DNAJB9: variants seen among roughly 807,000 people sequenced by gnomAD.
DNAJB9 encodes DnaJ heat shock protein family (Hsp40) member B9, also known as dnaJ homolog subfamily B member 9.
In DNAJB9, 12 loss-of-function variants were observed where a neutral mutation model predicts 19.2. That is an observed-to-expected ratio of 0.62 (90% CI 0.40 to 1.01). DNAJB9 has a LOEUF of 1.01. Among genes scored for constraint, DNAJB9 ranks in the 50% least tolerant of loss-of-function variants. The pLI is 0.00. For synonymous variants in DNAJB9, 83 were observed against 84.0 expected, an observed-to-expected ratio of 0.99 and a Z score of 0.07; for missense variants, 272 against 261.1, an observed-to-expected ratio of 1.04 and a Z score of -0.29.
Position 108,573,475 on chromosome 7 carries a change from C to A in DNAJB9, c.*122C>A. 3 of 621,410 alleles carry A rather than the reference C, an allele frequency of 4.8e-6. No homozygotes were observed. Among genetic ancestry groups the A allele is most frequent in the Non-Finnish European group, 7.2e-6 (3 of 415,812 alleles). 38.5% of individuals were successfully genotyped at this position (621,410 alleles called of 1,614,324 possible). On this transcript the variant is annotated 3_prime_UTR_variant, in exon 3 of 3. Transcript: ENST00000249356. ...TTTCACTTTAAACAATTTGATATAG[C>A]TATTAAATATATTTAAGGGTTTTTT...
chr7:108,573,305 A>G lies in DNAJB9; in HGVS notation c.624A>G (p.Gln208=), dbSNP rs765552435. The G allele has an allele frequency of 2.1e-5, 34 of 1,609,426 alleles. No homozygotes were observed. The highest frequency in any genetic ancestry group is 2.9e-5 in the Non-Finnish European group (34 of 1,178,032). The stretch of plus-strand genomic sequence containing the variant: ...GCAAGCACTGCAGGACTGTCACTCA[A>G]CGAAGAGGAAATATGGTTACTACAT... ...GSSKHCRTVT[Q]RRGNMVTTYT... Residue 208 remains glutamine (Q), a synonymous_variant, in exon 3 of 3, where the codon CAA becomes CAG. Transcript: ENST00000249356.
chr7:108,573,066 C>T lies in DNAJB9; in HGVS notation c.385C>T (p.Gln129Ter). ...FKDFGFFGQN[Q>*]NTGSKKRFEN... ...AGACTTTGGCTTTTTTGGTCAAAAC[C>T]AAAACACTGGATCCAAGAAGCGTTT... Residue 129 changes from glutamine to a stop codon, truncating the protein, a stop_gained, in exon 3 of 3, where the codon CAA becomes TAA. Coordinates refer to ENST00000249356, the MANE Select transcript of DNAJB9 (RefSeq NM_012328.3). LOFTEE classifies it high-confidence loss of function. 1 of 1,613,930 alleles carries T rather than the reference C, an allele frequency of 6.2e-7. No homozygotes were observed. The highest frequency in any genetic ancestry group is 8.5e-7 in the Non-Finnish European group (1 of 1,179,928).
At position 108,571,745 on chromosome 7, in the gene DNAJB9, A is replaced by G. The variant is rs140430481; in HGVS notation, c.19A>G (p.Ile7Val). 15 of 1,613,826 alleles carry G rather than the reference A, an allele frequency of 9.3e-6. No individual in the cohort carries two copies. The African/African-American group carries it at 1.5e-4, about 16-fold the overall frequency. ...ATTAGAAATGGCTACTCCCCAGTCA[A>G]TTTTCATCTTTGCAATCTGCATTTT... MATPQS[I>V]FIFAICILMI... is the part of the protein sequence containing the mutation. The change falls in exon 2 of 3, where the codon ATT (isoleucine) becomes GTT (valine). Residue 7 changes from isoleucine (I) to valine (V), a missense_variant. Coordinates refer to ENST00000249356, the MANE Select transcript of DNAJB9 (RefSeq NM_012328.3).
At position 108,571,075 on chromosome 7, in the gene DNAJB9, A is replaced by G. The variant is rs570227250; in HGVS notation, c.-10-642A>G. On this transcript the variant is annotated intron_variant, in intron 1 of 2. Coordinates refer to ENST00000249356, the MANE Select transcript of DNAJB9 (RefSeq NM_012328.3). Reference sequence around the variant, plus strand: ...TTAAATTCTGTTCATCATGAGTTTTAAACAATATTTAGCCATGCTTCCTGG... The same window carrying G: ...TTAAATTCTGTTCATCATGAGTTTTGAACAATATTTAGCCATGCTTCCTGG... 7.2e-5 allele frequency among the ~76,000 whole-genome samples: 11 copies of G among 152,332 alleles called. No individual in the cohort carries two copies. In the South Asian group the frequency reaches 2.3e-3, roughly 32 times the overall value.
chr7:108,572,156 A>T (rs1564014436), intron 2 of DNAJB9: 1 of 435,510 alleles, frequency 2.3e-6, no homozygotes, highest in Non-Finnish European at 4.1e-6. Flanking sequence ...TTTTATTGGT[A>T]TACGTATCTA....
rs546198697 is a variant in DNAJB9, at chr7:108,573,772, A to T, written c.*419A>T. ...AGTTGCATGTTCTATGACATCTGTGACTTGCGTTGCAGAGTGTACATGAAA... is the reference window on the plus strand; with the variant it reads ...AGTTGCATGTTCTATGACATCTGTGTCTTGCGTTGCAGAGTGTACATGAAA... On this transcript the variant is annotated 3_prime_UTR_variant, in exon 3 of 3. Transcript: ENST00000249356. 2 of 156,134 alleles carry T rather than the reference A, an allele frequency of 1.3e-5. No individual in the cohort carries two copies. Among genetic ancestry groups the T allele is most frequent in the East Asian group, 3.8e-4 (2 of 5,242 alleles). The allele number at this position is 156,134 out of a possible 1,614,324, so 9.7% of individuals were successfully genotyped here.
chr7:108,571,245 A>G (rs1288311683), intron 1 of DNAJB9, among the ~76,000 whole-genome samples: 1 of 151,632 alleles, frequency 6.6e-6, no homozygotes, highest in Non-Finnish European at 1.5e-5. Context: ...GAGATTAATA[A>G]TACTAATTTA....
chr7:108,572,009 G>A, intron 2 of DNAJB9, 66 bp downstream of exon 2: 1 of 1,517,166 alleles, frequency 6.6e-7, no homozygotes, highest in Non-Finnish European at 9.1e-7. Context: ...TAGCTAAGAA[G>A]TGTTTGTATT....
In DNAJB9 at chr7:108,572,935, A is replaced by G; in HGVS notation, c.254A>G (p.Glu85Gly). 6.2e-7 allele frequency: 1 copy of G among 1,612,694 alleles called. No individual in the cohort carries two copies. Among genetic ancestry groups the G allele is most frequent in the South Asian group, 1.1e-5 (1 of 90,872 alleles). The change falls in exon 3 of 3, where the codon GAG becomes GGG. Residue 85 changes from glutamate (E) to glycine (G), a missense_variant. Physicochemically the swap from Glu to Gly is moderately conservative, Grantham distance 98 (BLOSUM62 -2). Transcript: ENST00000249356. ...CTCTCAGATGCTAATAGACGAAAAG[A>G]GTATGATACACTTGGACACAGTGCT... ...ETLSDANRRKEYDTLGHSAFT... is the reference protein window; with the variant it reads ...ETLSDANRRKGYDTLGHSAFT...
In DNAJB9 at chr7:108,573,503, T is replaced by G; in HGVS notation, c.*150T>G. 1 of 492,160 alleles carries G rather than the reference T, an allele frequency of 2.0e-6. No homozygotes were observed. The highest frequency in any genetic ancestry group is 3.3e-6 in the Non-Finnish European group (1 of 305,674). The allele number at this position is 492,160 out of a possible 1,614,324, so 30.5% of individuals were successfully genotyped here. On this transcript the variant is annotated 3_prime_UTR_variant, in exon 3 of 3. Coordinates refer to ENST00000249356, the MANE Select transcript of DNAJB9 (RefSeq NM_012328.3). ...TTAAATATATTTAAGGGTTTTTTTTTTTTGACAAATTCAACATTCAACGAG... is the reference window on the plus strand; with the variant it reads ...TTAAATATATTTAAGGGTTTTTTTTGTTTGACAAATTCAACATTCAACGAG...
At position 108,573,442 on chromosome 7, in the gene DNAJB9, G is replaced by C; in HGVS notation, c.*89G>C. ...AATTTTCTGTGAACTATTTTGACAA[G>C]TGCATGATTTCACTTTAAACAATTT... On this transcript the variant is annotated 3_prime_UTR_variant, in exon 3 of 3. Transcript: ENST00000249356. 1 of 991,622 alleles carries C rather than the reference G, an allele frequency of 1.0e-6. No individual in the cohort carries two copies. The highest frequency in any genetic ancestry group is 1.4e-6 in the Non-Finnish European group (1 of 722,720). The allele number at this position is 991,622 out of a possible 1,614,324, so 61.4% of individuals were successfully genotyped here. A position where few individuals can be genotyped will look rare whatever the true frequency, so the allele number is the denominator to read the frequency against.
rs948002849 is a variant in DNAJB9, at chr7:108,574,822, GATA to G, written c.*1477_*1479del. On this transcript the variant is annotated 3_prime_UTR_variant, in exon 3 of 3. Coordinates refer to ENST00000249356, the MANE Select transcript of DNAJB9 (RefSeq NM_012328.3). ...GAAGTTATATCTACTAGTTTTGTTT[GATA>G]ATAATAAAATTAGCTATACCTTGAA... 5 of 152,208 alleles carry G rather than the reference GATA, an allele frequency of 3.3e-5. No homozygotes were observed. The highest frequency in any genetic ancestry group is 1.9e-4 in the East Asian group (1 of 5,186). 9.4% of individuals were successfully genotyped at this position (152,208 alleles called of 1,614,324 possible).
intron 2 of DNAJB9, 116 bp from the exon 3 acceptor site, chr7:108,572,783 A>T (rs748779503): frequency 1.0e-5 from 8 of 802,542 alleles, no homozygotes; most frequent in East Asian, 2.7e-5. Flanking sequence ...TTTATTTCTG[A>T]TGCGAAATTC....
At chr7:108,571,536 A>T (rs1790620365) in intron 1 of DNAJB9, among the ~76,000 whole-genome samples, 181 bp from the exon 2 acceptor site, 1 of 152,190 alleles carries the variant, frequency 6.6e-6, no homozygotes, top group African/African-American at 2.4e-5. Flanking sequence ...GTTCTCAATA[A>T]GGTTAAGCCA....
rs1210105084 is a variant in DNAJB9, at chr7:108,573,078, T to A, written c.397T>A (p.Ser133Thr). ...GFFGQNQNTG[S>T]KKRFENHFQT... ...TTTTGGTCAAAACCAAAACACTGGA[T>A]CCAAGAAGCGTTTTGAAAATCATTT... The change falls in exon 3 of 3, where the codon TCC (serine) becomes ACC (threonine). Residue 133 changes from serine to threonine, a missense_variant. Physicochemically the swap from Ser to Thr is moderately conservative, Grantham distance 58 (BLOSUM62 1). Coordinates refer to ENST00000249356, the MANE Select transcript of DNAJB9 (RefSeq NM_012328.3). 25 of 1,613,984 alleles carry A rather than the reference T, an allele frequency of 1.5e-5. No individual in the cohort carries two copies. Among genetic ancestry groups the A allele is most frequent in the Non-Finnish European group, 8.5e-7 (1 of 1,179,978 alleles).
Position 108,573,398 on chromosome 7 carries a change from A to G in DNAJB9, c.*45A>G, listed in dbSNP as rs770982059. The G allele has an allele frequency of 2.2e-6, 3 of 1,375,550 alleles. No individual in the cohort carries two copies. The highest frequency in any genetic ancestry group is 9.6e-7 in the Non-Finnish European group (1 of 1,037,560). 85.2% of individuals were successfully genotyped at this position (1,375,550 alleles called of 1,614,324 possible). A position where few individuals can be genotyped will look rare whatever the true frequency, so the allele number is the denominator to read the frequency against. On this transcript the variant is annotated 3_prime_UTR_variant, in exon 3 of 3. Transcript: ENST00000249356. ...AAATCCAACTGGTTGACTCTTCCTC[A>G]TTATCTTTGATGCTAAACAATTTTC...
rs752517500 is a variant in DNAJB9, at chr7:108,573,379, A to G, written c.*26A>G. On this transcript the variant is annotated 3_prime_UTR_variant, in exon 3 of 3. Coordinates refer to ENST00000249356, the MANE Select transcript of DNAJB9 (RefSeq NM_012328.3). ...TTCTTATTCTATTCTCACTAAATCC[A>G]ACTGGTTGACTCTTCCTCATTATCT... 5 of 1,462,348 alleles carry G rather than the reference A, an allele frequency of 3.4e-6. No homozygotes were observed. The Admixed American group carries it at 7.2e-5, about 21-fold the overall frequency. 90.6% of individuals were successfully genotyped at this position (1,462,348 alleles called of 1,614,324 possible). A position where few individuals can be genotyped will look rare whatever the true frequency, so the allele number is the denominator to read the frequency against.
chr7:108,571,613 A>G lies in DNAJB9; in HGVS notation c.-10-104A>G, dbSNP rs550038487. ...AGGTAATAGATACTGTATGCTTACT[A>G]TTTTGATACTGCATTAGGTTTACCT... On this transcript the variant is annotated intron_variant, in intron 1 of 2. Coordinates refer to ENST00000249356, the MANE Select transcript of DNAJB9 (RefSeq NM_012328.3). 1.2e-4 allele frequency: 103 copies of G among 873,350 alleles called. 1 individual carries two copies. In the African/African-American group the frequency reaches 1.7e-3, roughly 14 times the overall value. 54.1% of individuals were successfully genotyped at this position (873,350 alleles called of 1,614,324 possible). A position where few individuals can be genotyped will look rare whatever the true frequency, so the allele number is the denominator to read the frequency against.
rs1163058188 is a variant in DNAJB9, at chr7:108,574,216, A to G, written c.*863A>G. The G allele has an allele frequency of 2.0e-5, 3 of 152,596 alleles. No homozygotes were observed. Among genetic ancestry groups the G allele is most frequent in the Admixed American group, 6.5e-5 (1 of 15,270 alleles). 9.5% of individuals were successfully genotyped at this position (152,596 alleles called of 1,614,324 possible). The stretch of plus-strand genomic sequence containing the variant: ...AAAACCAGCCAGTAATTTCTGTGCA[A>G]CCTTACTATGTGCAATATTTTTAAA... On this transcript the variant is annotated 3_prime_UTR_variant, in exon 3 of 3. Coordinates refer to ENST00000249356, the MANE Select transcript of DNAJB9 (RefSeq NM_012328.3).
Sources: gnomAD v4.1 joint callset for allele counts (sites outside exome capture counted in the v4.1 genomes callset) on GRCh38, gnomAD v4.1.1 for gene constraint, MANE v1.5 for transcripts, NCBI Gene and HGNC (gene_info 2026-07-23, HGNC 2026-07-21) for gene names.